UBLCP1: variants seen among roughly 807,000 people sequenced by gnomAD.
UBLCP1 encodes the protein ubiquitin-like domain-containing CTD phosphatase 1.
In UBLCP1, 28 loss-of-function variants were observed where a neutral mutation model predicts 42.4. The ratio of observed to expected loss-of-function variants is 0.66; its 90% CI spans 0.49 to 0.90. The LOEUF (loss-of-function observed/expected upper bound fraction) is 0.90. Among genes scored for constraint, UBLCP1 ranks in the 40% least tolerant of loss-of-function variants. The pLI, the probability that UBLCP1 is intolerant of heterozygous loss-of-function variation, is 0.00. For synonymous variants in UBLCP1, 122 were observed against 120.8 expected (o/e 1.01, Z -0.07); for missense variants, 279 against 374.5 (o/e 0.75, Z 2.10).
At chr5:159,283,494 A>G (rs1753631973) in intron 10 of UBLCP1, among the ~76,000 whole-genome samples, 155 bp downstream of exon 10, 2 of 152,028 alleles carry the variant, frequency 1.3e-5, no homozygotes, top group African/African-American at 4.8e-5. Context: ...CCTACCCCCA[A>G]AAGTATTTTC....
intron 8 of UBLCP1, among the ~76,000 whole-genome samples, chr5:159,276,607 T>C (rs1018637095): frequency 1.3e-5 from 2 of 152,222 alleles, no homozygotes; most frequent in Non-Finnish European, 2.9e-5. Flanking sequence ...GCATTGGATA[T>C]ATAAATTACT....
In UBLCP1 at chr5:159,269,003, C is replaced by G; in HGVS notation, c.88C>G (p.Gln30Glu). The change falls in exon 2 of 11, where the codon CAG becomes GAG. Residue 30 changes from glutamine (Q) to glutamate (E), a missense_variant. Gln to Glu is a conservative substitution (Grantham distance 29). Coordinates refer to ENST00000296786, the MANE Select transcript of UBLCP1 (RefSeq NM_145049.5). ...AGATGATACTGTGCTCGATCTCAAACAGTTTCTCAAGACCCTTACAGGAGT... is the reference window on the plus strand; with the variant it reads ...AGATGATACTGTGCTCGATCTCAAAGAGTTTCTCAAGACCCTTACAGGAGT... ...SEDDTVLDLK[Q>E]FLKTLTGVLP... The G allele has an allele frequency of 6.2e-7, 1 of 1,611,528 alleles. No homozygotes were observed. The highest frequency in any genetic ancestry group is 8.5e-7 in the Non-Finnish European group (1 of 1,179,096).
intron 9 of UBLCP1, among the ~76,000 whole-genome samples, chr5:159,279,306 C>A (rs1443168229): frequency 6.6e-6 from 1 of 152,182 alleles, no homozygotes; most frequent in East Asian, 1.9e-4. Flanking sequence ...TCTTATGTGA[C>A]ATTTCATCCT....
intron 10 of UBLCP1, 96 bp from the exon 11 acceptor site, chr5:159,284,808 T>C: frequency 7.9e-7 from 1 of 1,270,982 alleles, no homozygotes; most frequent in East Asian, 2.3e-5. Flanking sequence ...CTTGAAATGT[T>C]TTGTCATTAG....
intron 6 of UBLCP1, 99 bp downstream of exon 6, chr5:159,272,220 AT>A: frequency 1.0e-6 from 1 of 952,574 alleles, no homozygotes; most frequent in South Asian, 1.6e-5. Flanking sequence ...GTGTTTAAAT[AT>A]GAAATAGTTT....
intron 1 of UBLCP1, among the ~76,000 whole-genome samples, chr5:159,265,933 C>T (rs992074054): frequency 2.0e-5 from 3 of 152,176 alleles, no homozygotes; most frequent in Admixed American, 1.3e-4. Context: ...ATTCACCTGC[C>T]TCAGCCTCCC....
intron 2 of UBLCP1, among the ~76,000 whole-genome samples, 176 bp from the exon 3 acceptor site, chr5:159,269,732 G>A (rs1233869102): frequency 2.6e-5 from 4 of 152,090 alleles, no homozygotes; most frequent in Non-Finnish European, 5.9e-5. Flanking sequence ...TGACTTCTTC[G>A]TGTCTTAGAT....
intron 3 of UBLCP1, 29 bp downstream of exon 3, chr5:159,270,028 T>G: frequency 1.3e-6 from 2 of 1,556,380 alleles, no homozygotes; most frequent in Non-Finnish European, 1.8e-6. Flanking sequence ...TTACCATTTG[T>G]CCATTTGAAG....
chr5:159,269,209 G>A, intron 2 of UBLCP1, 140 bp downstream of exon 2: 1 of 577,974 alleles, frequency 1.7e-6, no homozygotes, highest in Non-Finnish European at 2.6e-6. Context: ...AGATTTCTCT[G>A]GTAGAAATAT....
At chr5:159,270,282 C>G (rs1753447909) in intron 3 of UBLCP1, 78 bp from the exon 4 acceptor site, 1 of 1,195,408 alleles carries the variant, frequency 8.4e-7, no homozygotes, top group South Asian at 1.4e-5. Flanking sequence ...TTGTATCTCT[C>G]ATTTTATTTT....
intron 6 of UBLCP1, among the ~76,000 whole-genome samples, chr5:159,272,324 T>G (rs1386865069): frequency 6.6e-6 from 1 of 152,172 alleles, no homozygotes; most frequent in Non-Finnish European, 1.5e-5. Flanking sequence ...TTAATTTAAC[T>G]ATAGGACATG....
chr5:159,275,156 A>C lies in UBLCP1; in HGVS notation c.594A>C (p.Gly198=). The C allele has an allele frequency of 6.2e-7, 1 of 1,612,988 alleles. No homozygotes were observed. Among genetic ancestry groups the C allele is most frequent in the East Asian group, 2.2e-5 (1 of 44,746 alleles). The part of the protein sequence containing the change: ...KWIEAKMKEL[G]VSTNANYKIT... ...AATATTTGTGTTTATAGGAGCTGGG[A>C]GTGAGCACAAATGCAAATTATAAGA... The change falls in exon 8 of 11, where the codon GGA becomes GGC. Residue 198 remains glycine (G), a synonymous_variant. Transcript: ENST00000296786.
At chr5:159,277,763 G>A (rs547013126) in intron 8 of UBLCP1, among the ~76,000 whole-genome samples, 6 of 152,194 alleles carry the variant, frequency 3.9e-5, no homozygotes, top group African/African-American at 9.6e-5. Flanking sequence ...AAGACAAAAC[G>A]AGTTTTTCCT....
chr5:159,283,988 T>TG (rs1385591878), intron 10 of UBLCP1, among the ~76,000 whole-genome samples: 2 of 152,164 alleles, frequency 1.3e-5, no homozygotes, highest in East Asian at 3.9e-4. Flanking sequence ...TTACAGTATT[T>TG]GGGGGGGAAT....
intron 9 of UBLCP1, 55 bp from the exon 10 acceptor site, chr5:159,283,157 T>C: frequency 6.5e-7 from 1 of 1,538,088 alleles, no homozygotes; most frequent in Non-Finnish European, 8.8e-7. Context: ...AGTATAGATT[T>C]GTTAGTTTTC....
chr5:159,266,624 A>G (rs542301118), intron 1 of UBLCP1, among the ~76,000 whole-genome samples: 43 of 152,354 alleles, frequency 2.8e-4, no homozygotes, highest in African/African-American at 8.4e-4. Context: ...GGCTATGTCA[A>G]AGACCTTCAT....
Position 159,275,278 on chromosome 5 carries a change from A to G in UBLCP1, c.684+32A>G, listed in dbSNP as rs377572835. 3.9e-6 allele frequency: 6 copies of G among 1,542,796 alleles called. No homozygotes were observed. The African/African-American group carries it at 4.1e-5, about 11-fold the overall frequency. ...AGTCATTTTATTTCTATTTAATGACACCATGGTTATTTTCCAGTGTACTTT... is the reference window on the plus strand; with the variant it reads ...AGTCATTTTATTTCTATTTAATGACGCCATGGTTATTTTCCAGTGTACTTT... On this transcript the variant is annotated intron_variant, in intron 8 of 10. Transcript: ENST00000296786.
rs1049374142 is a variant in UBLCP1 at position 159,263,333 on chromosome 5, C to A, written c.-74C>A. ...TCTCTCAGCGGCCGGTTTCTGCGTCCGCTGCCGCAGGTTCCACCGCGCTCC... is the reference window on the plus strand; with the variant it reads ...TCTCTCAGCGGCCGGTTTCTGCGTCAGCTGCCGCAGGTTCCACCGCGCTCC... On this transcript the variant is annotated 5_prime_UTR_variant, in exon 1 of 11. Transcript: ENST00000296786. 3 of 152,352 alleles carry A rather than the reference C, an allele frequency of 2.0e-5. No homozygotes were observed. The highest frequency in any genetic ancestry group is 4.4e-5 in the Non-Finnish European group (3 of 68,074). 9.4% of individuals were successfully genotyped at this position (152,352 alleles called of 1,614,324 possible). A position where few individuals can be genotyped will look rare whatever the true frequency, so the allele number is the denominator to read the frequency against.
chr5:159,265,208 T>C (rs1036987580), intron 1 of UBLCP1, among the ~76,000 whole-genome samples: 4 of 152,226 alleles, frequency 2.6e-5, no homozygotes, highest in African/African-American at 9.6e-5. Flanking sequence ...CTAATTGGCC[T>C]TTTAGTAGGA....
Sources: allele counts gnomAD v4.1 joint callset (sites outside exome capture counted in the v4.1 genomes callset), GRCh38; gene constraint gnomAD v4.1.1; transcripts MANE v1.5; gene names NCBI Gene and HGNC (gene_info 2026-07-23, HGNC 2026-07-21).